PRMT7: variants seen among roughly 807,000 people sequenced by gnomAD.
PRMT7 encodes the protein protein arginine N-methyltransferase 7.
In PRMT7, 75 loss-of-function variants were observed where a neutral mutation model predicts 85.4. The ratio of observed to expected loss-of-function variants is 0.88; its 90% CI spans 0.73 to 1.06. The LOEUF (loss-of-function observed/expected upper bound fraction) is 1.06. Ranked by LOEUF, PRMT7 falls within the 50% of genes least tolerant of loss-of-function variation. The pLI is 0.00. For missense variants in PRMT7, 868 were observed against 915.2 expected (o/e 0.95, Z 0.67); for synonymous variants, 397 against 359.5 (o/e 1.10, Z -1.18).
In PRMT7 at chr16:68,327,189, A is replaced by C. The variant is rs1024766943; in HGVS notation, c.283-1877A>C. On this transcript the variant is annotated intron_variant, in intron 5 of 18. Coordinates refer to ENST00000441236, the MANE Select transcript of PRMT7 (RefSeq NM_019023.5). ...GATTATAGTAAAAAATATAGTATTC[A>C]TGGTAGAAAATGTGGGAAATACAGA... Among the ~76,000 whole-genome samples, 4 of 152,320 alleles carry C rather than the reference A, an allele frequency of 2.6e-5. No homozygotes were observed. In the South Asian group the frequency reaches 6.2e-4, roughly 24 times the overall value.
rs765684694 is a variant in PRMT7, at chr16:68,356,759, A to G, written c.1870A>G (p.Thr624Ala). 1.9e-6 allele frequency: 3 copies of G among 1,610,972 alleles called. No individual in the cohort carries two copies. In the African/African-American group the frequency reaches 4.0e-5, roughly 22 times the overall value. The change falls in exon 18 of 19, where the codon ACG becomes GCG. Residue 624 changes from threonine to alanine, a missense_variant. By Grantham distance (58) the Thr-to-Ala change is moderately conservative (BLOSUM62 0). Transcript: ENST00000441236. ...WMEYHLTPEC[T>A]LSTGLLEPAD... ...GGAGTACCACCTGACCCCGGAGTGC[A>G]CGCTCAGCACTGGCCTCCTGGAGCC...
intron 6 of PRMT7, among the ~76,000 whole-genome samples, chr16:68,333,866 G>A (rs796122515): frequency 7.2e-5 from 11 of 152,220 alleles, no homozygotes; most frequent in African/African-American, 1.7e-4. Context: ...TCCACCTCCC[G>A]GATTCAAGTG....
At chr16:68,314,267 G>C (rs558794335) in intron 2 of PRMT7, among the ~76,000 whole-genome samples, 18 of 152,318 alleles carry the variant, frequency 1.2e-4, no homozygotes, top group South Asian at 6.2e-4. Context: ...GTCTTACTCT[G>C]TTGCCCAGGC....
At chr16:68,334,562 G>C (rs2096197971) in intron 6 of PRMT7, among the ~76,000 whole-genome samples, 1 of 152,170 alleles carries the variant, frequency 6.6e-6, no homozygotes, top group South Asian at 2.1e-4. Flanking sequence ...GAAGTTGCCT[G>C]TTCCCCAGAG....
At chr16:68,349,318 T>C (rs934575481) in intron 14 of PRMT7, among the ~76,000 whole-genome samples, 1 of 148,930 alleles carries the variant, frequency 6.7e-6, no homozygotes, top group Admixed American at 6.6e-5. Flanking sequence ...ACGTTCCTTC[T>C]CATGTGTGAA....
Position 68,324,675 on chromosome 16 carries a change from T to G in PRMT7, c.133-8T>G, listed in dbSNP as rs770114839. The G allele has an allele frequency of 5.6e-6, 9 of 1,614,000 alleles. No homozygotes were observed. In the Admixed American group the frequency reaches 8.3e-5, roughly 15 times the overall value. ...ACTGGTAGTAAGTGACGGCCATGTC[T>G]TCCTTAGAATGTAAAATACTACCAA... On this transcript the variant is annotated splice_region_variant and splice_polypyrimidine_tract_variant and intron_variant, in intron 4 of 18. Transcript: ENST00000441236.
chr16:68,319,346 G>C (rs1178455764), intron 3 of PRMT7, among the ~76,000 whole-genome samples: 3 of 152,094 alleles, frequency 2.0e-5, no homozygotes, highest in Non-Finnish European at 4.4e-5. Context: ...GGAAGAAAGA[G>C]GGAGTGTGTC....
chr16:68,347,361 G>A, intron 12 of PRMT7, 67 bp downstream of exon 12: 1 of 1,440,684 alleles, frequency 6.9e-7, no homozygotes, highest in Non-Finnish European at 9.3e-7. Flanking sequence ...CGTGGTCCGG[G>A]TGCACAATTC....
intron 5 of PRMT7, among the ~76,000 whole-genome samples, chr16:68,325,363 A>G (rs1385357275): frequency 6.6e-6 from 1 of 152,212 alleles, no homozygotes; most frequent in Non-Finnish European, 1.5e-5. Flanking sequence ...TGTTTAAGCC[A>G]GTTATTGTGG....
At chr16:68,311,365 CGCAG>C in intron 1 of PRMT7, 1 of 279,444 alleles carries the variant, frequency 3.6e-6, no homozygotes. Context: ...CCACAGAGAC[CGCAG>C]TAGCTCCAAC....
chr16:68,317,620 G>T (rs1175312299), intron 3 of PRMT7, among the ~76,000 whole-genome samples: 1 of 152,164 alleles, frequency 6.6e-6, no homozygotes, highest in African/African-American at 2.4e-5. Flanking sequence ...CTGAGGTCGG[G>T]AGTTCGAGAC....
chr16:68,323,206 CTTT>C (rs1256303507), intron 4 of PRMT7, among the ~76,000 whole-genome samples: 1 of 138,386 alleles, frequency 7.2e-6, no homozygotes, highest in Non-Finnish European at 1.5e-5. Flanking sequence ...TCTTTTTTTT[CTTT>C]TTTCTTTCTT....
intron 6 of PRMT7, among the ~76,000 whole-genome samples, chr16:68,336,604 G>A (rs942999012): frequency 6.6e-6 from 1 of 152,148 alleles, no homozygotes; most frequent in African/African-American, 2.4e-5. Context: ...TTCTAATTTA[G>A]TGGTTAATAG....
chr16:68,342,346 A>C (rs1211256060), intron 9 of PRMT7, among the ~76,000 whole-genome samples: 1 of 152,230 alleles, frequency 6.6e-6, no homozygotes, highest in Non-Finnish European at 1.5e-5. Context: ...GCCCGGACCC[A>C]GGAATGATTA....
chr16:68,346,307 G>A lies in PRMT7; in HGVS notation c.1191+27G>A, dbSNP rs1422028824. 6 of 1,611,164 alleles carry A rather than the reference G, an allele frequency of 3.7e-6. No individual in the cohort carries two copies. In the South Asian group the frequency reaches 5.5e-5, roughly 15 times the overall value. ...TAAGTGTCCAGCCCCTTGGCTTGTT[G>A]TGGGGAAAAGGGAGAAAGAAGTTTG... is the stretch of plus-strand genomic sequence containing the variant. On this transcript the variant is annotated intron_variant, in intron 11 of 18. Coordinates refer to ENST00000441236, the MANE Select transcript of PRMT7 (RefSeq NM_019023.5).
At chr16:68,315,601 A>G (rs775955257) in intron 2 of PRMT7, 86 of 288,496 alleles carry the variant, frequency 3.0e-4, no homozygotes, top group Non-Finnish European at 4.7e-4. Context: ...TGTGAGGCTC[A>G]TTTGAACCTT....
At position 68,330,348 on chromosome 16, in the gene PRMT7, A is replaced by C. The variant is rs1444354539; in HGVS notation, c.391+1174A>C. Among the ~76,000 whole-genome samples, 5 of 152,086 alleles carry C rather than the reference A, an allele frequency of 3.3e-5. 1 individual carries two copies. Among genetic ancestry groups the C allele is most frequent in the Admixed American group, 2.6e-4 (4 of 15,268 alleles). ...GGGTTTTTTCTAATTTTTTGTGGAG[A>C]TAGGGTCTTACTATGTTGCCCAGGC... On this transcript the variant is annotated intron_variant, in intron 6 of 18. Coordinates refer to ENST00000441236, the MANE Select transcript of PRMT7 (RefSeq NM_019023.5).
intron 5 of PRMT7, among the ~76,000 whole-genome samples, chr16:68,326,397 C>T (rs1216241495): frequency 6.6e-6 from 1 of 152,160 alleles, no homozygotes; most frequent in African/African-American, 2.4e-5. Context: ...AGGTATGTAC[C>T]ACTGCACCTG....
rs771194930 is a variant in PRMT7 at position 68,329,050 on chromosome 16, C to T, written c.283-16C>T. ...TTATTGCTCATTTTTCCTTGGGTTTCGGCTCTATTTTCTAGGTTTTCAAGC... is the reference window on the plus strand; with the variant it reads ...TTATTGCTCATTTTTCCTTGGGTTTTGGCTCTATTTTCTAGGTTTTCAAGC... On this transcript the variant is annotated splice_polypyrimidine_tract_variant and intron_variant, in intron 5 of 18. Transcript: ENST00000441236. 20 of 1,557,418 alleles carry T rather than the reference C, an allele frequency of 1.3e-5. No homozygotes were observed. The highest frequency in any genetic ancestry group is 4.5e-5 in the South Asian group (4 of 89,630).
Sources: allele counts gnomAD v4.1 joint callset (sites outside exome capture counted in the v4.1 genomes callset), GRCh38; gene constraint gnomAD v4.1.1; transcripts MANE v1.5; gene names NCBI Gene and HGNC (gene_info 2026-07-23, HGNC 2026-07-21).